The following TASP1 variants were observed in gnomAD, a reference collection of about 807,000 sequenced individuals.
TASP1 encodes threonine aspartase 1.
A neutral mutation model predicts 56.6 loss-of-function variants in TASP1; 16 were observed. That is an observed-to-expected ratio of 0.28 (90% CI 0.19 to 0.43). The LOEUF (loss-of-function observed/expected upper bound fraction) is 0.43. Among genes scored for constraint, TASP1 ranks in the 20% least tolerant of loss-of-function variants. The pLI is 1.00. For synonymous variants in TASP1, 179 were observed against 184.2 expected (o/e 0.97, Z 0.23); for missense variants, 393 against 511.6 (o/e 0.77, Z 2.24).
chr20:13,234,655 T>G, the TASP1 span, among the ~76,000 whole-genome samples: 17 of 152,248 alleles, frequency 1.1e-4, no homozygotes, highest in Non-Finnish European at 2.4e-4. Context: ...TTCTGACTTG[T>G]GTAAAATGGT....
At chr20:13,283,022 T>G in the TASP1 span, among the ~76,000 whole-genome samples, 1 of 152,182 alleles carries the variant, frequency 6.6e-6, no homozygotes, top group Non-Finnish European at 1.5e-5. Flanking sequence ...AGAATTCCCC[T>G]TTTCTTTCTG....
chr20:13,242,203 T>G, the TASP1 span, among the ~76,000 whole-genome samples: 1 of 151,612 alleles, frequency 6.6e-6, no homozygotes. Context: ...ACTGGGGAGG[T>G]CATCTACATG....
chr20:13,455,726 C>A (rs1273904779), intron 11 of TASP1, among the ~76,000 whole-genome samples: 1 of 152,136 alleles, frequency 6.6e-6, no homozygotes, highest in African/African-American at 2.4e-5. Flanking sequence ...AGAGGACTGA[C>A]AATTAACAGC....
the TASP1 span, among the ~76,000 whole-genome samples, chr20:13,111,185 G>A: frequency 6.6e-6 from 1 of 152,134 alleles, no homozygotes; most frequent in Non-Finnish European, 1.5e-5. Context: ...GGTTCTGGAT[G>A]TTCCCAGTCC....
At chr20:13,374,505 C>T in the TASP1 span, among the ~76,000 whole-genome samples, 21 of 152,130 alleles carry the variant, frequency 1.4e-4, no homozygotes, top group South Asian at 6.2e-4. Flanking sequence ...CCCGCCACCG[C>T]GCCCGGCTAA....
At chr20:13,503,819 A>G (rs2044034178) in intron 10 of TASP1, among the ~76,000 whole-genome samples, 1 of 152,110 alleles carries the variant, frequency 6.6e-6, no homozygotes, top group Admixed American at 6.6e-5. Context: ...AATGAAATGA[A>G]AAAATTTAAT....
At chr20:13,182,107 T>A in the TASP1 span, among the ~76,000 whole-genome samples, 3 of 152,192 alleles carry the variant, frequency 2.0e-5, no homozygotes, top group Non-Finnish European at 4.4e-5. Flanking sequence ...TGGGCTTCCC[T>A]CTTTGTGACT....
chr20:13,614,133 C>G (rs922957244), intron 4 of TASP1, among the ~76,000 whole-genome samples: 1 of 152,116 alleles, frequency 6.6e-6, no homozygotes, highest in Non-Finnish European at 1.5e-5. Flanking sequence ...TTATATCTAG[C>G]CAAATAGAGC....
Position 13,507,644 on chromosome 20 carries a change from T to C in TASP1, c.874+20789A>G, listed in dbSNP as rs1018114337. Among the ~76,000 whole-genome samples, 7 of 152,286 alleles carry C rather than the reference T, an allele frequency of 4.6e-5. No individual in the cohort carries two copies. In the South Asian group the frequency reaches 1.5e-3, roughly 32 times the overall value. On this transcript the variant is annotated intron_variant, in intron 10 of 13. Coordinates refer to ENST00000337743, the MANE Select transcript of TASP1 (RefSeq NM_017714.3). ...GGACTGAAAGAATACTGTCAAAACA[T>C]CCATACTACCCAAAGTGATCCACAG...
At chr20:13,198,846 CTTTCTTTCT>C in the TASP1 span, among the ~76,000 whole-genome samples, 613 of 134,022 alleles carry the variant, frequency 4.6e-3, 2 homozygotes, top group Middle Eastern at 0.011. Context: ...TTCTTTCTTT[CTTTCTTTCT>C]TTCCTTCCTT....
At chr20:13,405,722 T>C (rs1328739143) in intron 13 of TASP1, among the ~76,000 whole-genome samples, 1 of 151,398 alleles carries the variant, frequency 6.6e-6, no homozygotes, top group Non-Finnish European at 1.5e-5. Flanking sequence ...AATTTTTTTT[T>C]TTTTTTTGTA....
intron 6 of TASP1, among the ~76,000 whole-genome samples, chr20:13,574,495 T>C (rs2046831211): frequency 6.6e-6 from 1 of 152,166 alleles, no homozygotes; most frequent in African/African-American, 2.4e-5. Flanking sequence ...TGAAAAATCA[T>C]TCAATCGAAA....
At chr20:13,490,261 C>T (rs1016221983) in intron 10 of TASP1, among the ~76,000 whole-genome samples, 1 of 152,100 alleles carries the variant, frequency 6.6e-6, no homozygotes, top group African/African-American at 2.4e-5. Context: ...AAAAAAAATA[C>T]TTTAATACTT....
At chr20:13,295,539 C>T in the TASP1 span, among the ~76,000 whole-genome samples, 5 of 152,166 alleles carry the variant, frequency 3.3e-5, no homozygotes, top group African/African-American at 1.2e-4. Context: ...CTTCCCCCAT[C>T]GATGCTATTG....
intron 13 of TASP1, among the ~76,000 whole-genome samples, chr20:13,411,046 T>A (rs968889471): frequency 6.6e-6 from 1 of 152,152 alleles, no homozygotes; most frequent in Non-Finnish European, 1.5e-5. Context: ...CTTCTGCATA[T>A]GAATATCTAA....
At chr20:13,575,894 A>G (rs1056132652) in intron 6 of TASP1, among the ~76,000 whole-genome samples, 1 of 152,158 alleles carries the variant, frequency 6.6e-6, no homozygotes, top group Non-Finnish European at 1.5e-5. Context: ...AACTATATTC[A>G]TTCCCAGGAG....
chr20:13,119,559 C>T, the TASP1 span, among the ~76,000 whole-genome samples: 2 of 152,186 alleles, frequency 1.3e-5, no homozygotes, highest in Non-Finnish European at 2.9e-5. Flanking sequence ...ATTTTCTTAT[C>T]TCTTAAAATG....
At chr20:13,359,334 G>A in the TASP1 span, among the ~76,000 whole-genome samples, 1 of 151,182 alleles carries the variant, frequency 6.6e-6, no homozygotes, top group Non-Finnish European at 1.5e-5. Flanking sequence ...CTGAAAATCG[G>A]ACTGTTCAAC....
At chr20:13,183,629 A>T in the TASP1 span, among the ~76,000 whole-genome samples, 1 of 152,226 alleles carries the variant, frequency 6.6e-6, no homozygotes, top group Non-Finnish European at 1.5e-5. Context: ...TTTACAAATA[A>T]TTCTCTCCAA....
Sources: gnomAD v4.1 joint callset for allele counts (sites outside exome capture counted in the v4.1 genomes callset) on GRCh38, gnomAD v4.1.1 for gene constraint, MANE v1.5 for transcripts, NCBI Gene and HGNC (gene_info 2026-07-23, HGNC 2026-07-21) for gene names.